Variants in MAP2K4 observed in about 807,000 individuals in gnomAD.
MAP2K4 encodes mitogen-activated protein kinase kinase 4.
MAP2K4 carries 4 observed loss-of-function variants against 48.5 expected under a neutral mutation model. The observed-to-expected ratio is 0.08, with a 90% CI of 0.04 to 0.19. MAP2K4 has a LOEUF of 0.19. Among genes scored for constraint, MAP2K4 ranks in the 10% least tolerant of loss-of-function variants. The pLI, the probability that MAP2K4 is intolerant of heterozygous loss-of-function variation, is 1.00. For missense variants in MAP2K4, 258 were observed against 493.3 expected (o/e 0.52, Z 4.52); for synonymous variants, 166 against 173.1 (o/e 0.96, Z 0.32).
chr17:12,126,514 A>C (rs1190359377), intron 8 of MAP2K4, among the ~76,000 whole-genome samples: 2 of 152,228 alleles, frequency 1.3e-5, no homozygotes, highest in African/African-American at 4.8e-5. Context: ...TTCCTGGTTC[A>C]TAAACAGCCA....
At chr17:12,137,384 G>C (rs1245265155) in intron 9 of MAP2K4, among the ~76,000 whole-genome samples, 1 of 152,146 alleles carries the variant, frequency 6.6e-6, no homozygotes, top group Non-Finnish European at 1.5e-5. Flanking sequence ...GTATATTTAG[G>C]ATGCTCAAGG....
chr17:12,138,007 G>A (rs57346056), intron 9 of MAP2K4, among the ~76,000 whole-genome samples: 37,231 of 151,876 alleles, frequency 0.25, 4,845 homozygotes, highest in Non-Finnish European at 0.28. Context: ...TATCTGTTAA[G>A]GATTGATAAT....
rs537975666 is a variant in MAP2K4, at chr17:12,138,316, T to C, written c.1041-1523T>C. Among the ~76,000 whole-genome samples the C allele has an allele frequency of 1.4e-4, 22 of 152,300 alleles. No individual in the cohort carries two copies. The South Asian group carries it at 4.4e-3, about 30-fold the overall frequency. ...AAAACTTGACTACTAACAAATAGCC[T>C]ACTGTCAACCAGAAGCCTTACTGAT... is the stretch of plus-strand genomic sequence containing the variant. On this transcript the variant is annotated intron_variant, in intron 9 of 10. Coordinates refer to ENST00000353533, the MANE Select transcript of MAP2K4 (RefSeq NM_003010.4).
intron 2 of MAP2K4, among the ~76,000 whole-genome samples, chr17:12,075,146 T>C (rs1235403173): frequency 2.0e-5 from 3 of 152,180 alleles, no homozygotes; most frequent in Non-Finnish European, 4.4e-5. Flanking sequence ...CTTACAATAG[T>C]GACTGACATT....
At chr17:12,060,101 C>T (rs1970400821) in intron 2 of MAP2K4, among the ~76,000 whole-genome samples, 1 of 150,874 alleles carries the variant, frequency 6.6e-6, no homozygotes, top group South Asian at 2.1e-4. Context: ...TCAGTTGAGC[C>T]CTGGAGGTTG....
intron 7 of MAP2K4, among the ~76,000 whole-genome samples, chr17:12,121,843 T>C (rs1054660657): frequency 5.9e-5 from 9 of 152,208 alleles, no homozygotes; most frequent in Non-Finnish European, 1.2e-4. Context: ...TTGTAATGTT[T>C]ACAGACATGC....
intron 9 of MAP2K4, among the ~76,000 whole-genome samples, chr17:12,133,116 C>T (rs1454333617): frequency 1.3e-5 from 2 of 152,108 alleles, no homozygotes; most frequent in African/African-American, 4.8e-5. Context: ...GAGCCTTGCT[C>T]TGTCGCCCAG....
chr17:12,112,465 C>CAAAA (rs11370279), intron 6 of MAP2K4, among the ~76,000 whole-genome samples: 1 of 86,630 alleles, frequency 1.2e-5, no homozygotes, highest in Non-Finnish European at 2.2e-5. Context: ...ACTCTTGTCT[C>CAAAA]AAAAAAAAAA....
At position 12,110,291 on chromosome 17, in the gene MAP2K4, C is replaced by A. The variant is rs190300515; in HGVS notation, c.634-84C>A. 7.7e-5 allele frequency: 70 copies of A among 907,404 alleles called. No homozygotes were observed. In the East Asian group the frequency reaches 1.6e-3, roughly 21 times the overall value. The allele number at this position is 907,404 out of a possible 1,614,324, so 56.2% of individuals were successfully genotyped here. On this transcript the variant is annotated intron_variant, in intron 5 of 10. Transcript: ENST00000353533. The stretch of plus-strand genomic sequence containing the variant: ...CTTAAAATGTATGCAGAGGACTACA[C>A]GGGATATTACTTGTGATAAACTGTT...
chr17:12,125,885 C>CAATA (rs1161374122), intron 8 of MAP2K4, among the ~76,000 whole-genome samples: 1 of 152,120 alleles, frequency 6.6e-6, no homozygotes, highest in East Asian at 1.9e-4. Flanking sequence ...TTTTGAGGGA[C>CAATA]AATATATTAG....
intron 2 of MAP2K4, among the ~76,000 whole-genome samples, chr17:12,076,433 A>T (rs1222109324): frequency 8.5e-5 from 13 of 152,114 alleles, no homozygotes; most frequent in Admixed American, 4.6e-4. Flanking sequence ...ATTTAAGTTA[A>T]CAGATATATT....
rs533034770 is a variant in MAP2K4, at chr17:12,137,561, C to T, written c.1041-2278C>T. Among the ~76,000 whole-genome samples, 7 of 152,196 alleles carry T rather than the reference C, an allele frequency of 4.6e-5. No homozygotes were observed. In the South Asian group the frequency reaches 6.2e-4, roughly 14 times the overall value. On this transcript the variant is annotated intron_variant, in intron 9 of 10. Transcript: ENST00000353533. ...AAAATTAGGGAAATAGGAGCTGAGACGTTCCCCCAGCATGGCACAGATTAT... is the reference window on the plus strand; with the variant it reads ...AAAATTAGGGAAATAGGAGCTGAGATGTTCCCCCAGCATGGCACAGATTAT...
At chr17:12,115,807 C>G (rs984493793) in intron 7 of MAP2K4, 2 of 729,560 alleles carry the variant, frequency 2.7e-6, no homozygotes, top group African/African-American at 3.5e-5. Context: ...TCTGGGACAG[C>G]TCTGCTGACA....
At chr17:12,129,499 G>A (rs1361063728) in intron 9 of MAP2K4, among the ~76,000 whole-genome samples, 1 of 152,130 alleles carries the variant, frequency 6.6e-6, no homozygotes, top group Non-Finnish European at 1.5e-5. Flanking sequence ...CTCAGGTATT[G>A]GTGAAAAACA....
chr17:12,047,935 T>C lies in MAP2K4; in HGVS notation c.116-6954T>C, dbSNP rs138832451. 2.3e-3 allele frequency among the ~76,000 whole-genome samples: 357 copies of C among 152,376 alleles called. 1 individual carries two copies. The highest frequency in any genetic ancestry group is 8.3e-3 in the African/African-American group (346 of 41,590). On this transcript the variant is annotated intron_variant, in intron 1 of 10. Transcript: ENST00000353533. ...ATTCTTGTTTGTATCTTGATTAGTG[T>C]TCCAGTGGTATTTATTAGTATTTTC... is the stretch of plus-strand genomic sequence containing the variant.
At chr17:12,058,679 T>A (rs1970359144) in intron 2 of MAP2K4, among the ~76,000 whole-genome samples, 1 of 152,230 alleles carries the variant, frequency 6.6e-6, no homozygotes, top group African/African-American at 2.4e-5. Flanking sequence ...TTCAACCCCT[T>A]AGTTTTAACC....
chr17:12,034,942 A>C (rs1287769636), intron 1 of MAP2K4, among the ~76,000 whole-genome samples: 1 of 152,104 alleles, frequency 6.6e-6, no homozygotes, highest in Admixed American at 6.6e-5. Flanking sequence ...TCAGTGAAAG[A>C]CTCAGGGAAT....
chr17:12,129,118 T>G (rs574316493), intron 8 of MAP2K4, 21 bp from the exon 9 acceptor site: 1 of 1,611,766 alleles, frequency 6.2e-7, no homozygotes, highest in South Asian at 1.1e-5. Context: ...TATTTTGCTC[T>G]TTCCTCTTTG....
At chr17:12,134,547 A>C (rs1973142013) in intron 9 of MAP2K4, among the ~76,000 whole-genome samples, 1 of 152,232 alleles carries the variant, frequency 6.6e-6, no homozygotes, top group Non-Finnish European at 1.5e-5. Context: ...GGTAAATGGT[A>C]AGAGAGAAGA....
Sources: gnomAD v4.1 joint callset for allele counts (sites outside exome capture counted in the v4.1 genomes callset) on GRCh38, gnomAD v4.1.1 for gene constraint, MANE v1.5 for transcripts, NCBI Gene and HGNC (gene_info 2026-07-23, HGNC 2026-07-21) for gene names.